POLR3G: variants seen among roughly 807,000 people sequenced by gnomAD.
POLR3G encodes RNA polymerase III subunit G.
A neutral mutation model predicts 30.1 loss-of-function variants in POLR3G; 28 were observed. The observed-to-expected ratio is 0.93, with a 90% CI of 0.69 to 1.27. POLR3G has a LOEUF of 1.27. Ranked by LOEUF, POLR3G falls within the 50% of genes most tolerant of loss-of-function variation. The pLI, the probability that POLR3G is intolerant of heterozygous loss-of-function variation, is 0.00. For synonymous variants in POLR3G, 79 were observed against 82.5 expected (o/e 0.96, Z 0.23); for missense variants, 254 against 264.6 (o/e 0.96, Z 0.28).
At chr5:90,510,094 G>C (rs535479777) in intron 7 of POLR3G, among the ~76,000 whole-genome samples, 1 of 152,254 alleles carries the variant, frequency 6.6e-6, no homozygotes, top group South Asian at 2.1e-4. Flanking sequence ...ATAGGTTCTA[G>C]TTTGTGTGGT....
At chr5:90,488,871 A>AATTCT (rs1751581256) in intron 3 of POLR3G, among the ~76,000 whole-genome samples, 1 of 152,216 alleles carries the variant, frequency 6.6e-6, no homozygotes. Flanking sequence ...CTCAGGCTAG[A>AATTCT]AGTGGGAAGT....
chr5:90,474,030 T>G (rs1580185036), upstream of POLR3G: 1 of 1,591,778 alleles, frequency 6.3e-7, no homozygotes, highest in Non-Finnish European at 8.5e-7. Flanking sequence ...GCCGCCGGAG[T>G]GGTCGAAGTG....
chr5:90,474,448 T>G (rs909082805), upstream of POLR3G: 3 of 678,826 alleles, frequency 4.4e-6, no homozygotes, highest in Non-Finnish European at 7.5e-6. Flanking sequence ...GGGGTCGGAA[T>G]AGGAGGAGGA....
intron 4 of POLR3G, among the ~76,000 whole-genome samples, chr5:90,496,979 AT>A (rs1483134812): frequency 1.3e-5 from 2 of 152,244 alleles, no homozygotes; most frequent in African/African-American, 4.8e-5. Context: ...ATGACTTGAG[AT>A]TTAAATGCTT....
intron 1 of POLR3G, among the ~76,000 whole-genome samples, chr5:90,483,556 G>C (rs556638939): frequency 5.3e-5 from 8 of 152,230 alleles, no homozygotes; most frequent in African/African-American, 1.9e-4. Flanking sequence ...TATAATCCTA[G>C]CACTTTGGAA....
intron 6 of POLR3G, among the ~76,000 whole-genome samples, chr5:90,504,770 T>A (rs79777761): frequency 0.014 from 2,172 of 152,216 alleles, 45 homozygotes; most frequent in African/African-American, 0.05. Context: ...AAATATAATA[T>A]TAACATACCA....
At chr5:90,479,550 T>C (rs561441420) in intron 1 of POLR3G, among the ~76,000 whole-genome samples, 1 of 152,150 alleles carries the variant, frequency 6.6e-6, no homozygotes, top group African/African-American at 2.4e-5. Flanking sequence ...TTCCCAAAAG[T>C]GGTATTCTAT....
chr5:90,489,547 G>T (rs780761029), intron 3 of POLR3G, among the ~76,000 whole-genome samples: 2 of 152,050 alleles, frequency 1.3e-5, no homozygotes, highest in African/African-American at 4.8e-5. Context: ...ACAGACAGAC[G>T]TGAGCCACCA....
At position 90,480,861 on chromosome 5, in the gene POLR3G, A is replaced by C. The variant is rs558696710; in HGVS notation, c.-43-4664A>C. 2.6e-5 allele frequency among the ~76,000 whole-genome samples: 4 copies of C among 152,278 alleles called. No individual in the cohort carries two copies. In the South Asian group the frequency reaches 8.3e-4, roughly 32 times the overall value. Reference sequence around the variant, plus strand: ...GTGAAAGGTGTGACCCCTTCTGCTCAGCAGTTTTGATACTTGGGAGATACG... The same window carrying C: ...GTGAAAGGTGTGACCCCTTCTGCTCCGCAGTTTTGATACTTGGGAGATACG... On this transcript the variant is annotated intron_variant, in intron 1 of 7. Coordinates refer to ENST00000651687, the MANE Select transcript of POLR3G (RefSeq NM_006467.3).
intron 7 of POLR3G, among the ~76,000 whole-genome samples, chr5:90,508,938 G>C (rs1376757915): frequency 6.6e-6 from 1 of 152,170 alleles, no homozygotes; most frequent in African/African-American, 2.4e-5. Flanking sequence ...GCGGGTGCCT[G>C]TAATCCCAAC....
intron 6 of POLR3G, 57 bp downstream of exon 6, chr5:90,502,045 C>A (rs1334784257): frequency 6.4e-7 from 1 of 1,572,116 alleles, no homozygotes; most frequent in South Asian, 1.2e-5. Context: ...GATCCTACCT[C>A]GTTTTGCTCT....
chr5:90,508,691 C>T lies in POLR3G; in HGVS notation c.585+2017C>T, dbSNP rs114053080. 8.2e-3 allele frequency among the ~76,000 whole-genome samples: 1,247 copies of T among 152,158 alleles called. 18 individuals are homozygous for T. The highest frequency in any genetic ancestry group is 0.029 in the African/African-American group (1,195 of 41,490). ...AAAGAAAGAAATTATTGCTACCACG[C>T]TCACCATAGACAAATTTTAGCCTTT... On this transcript the variant is annotated intron_variant, in intron 7 of 7. Coordinates refer to ENST00000651687, the MANE Select transcript of POLR3G (RefSeq NM_006467.3).
In POLR3G at chr5:90,500,444, A is replaced by G. The variant is rs541881278; in HGVS notation, c.356-1462A>G. On this transcript the variant is annotated intron_variant, in intron 5 of 7. Coordinates refer to ENST00000651687, the MANE Select transcript of POLR3G (RefSeq NM_006467.3). Reference sequence around the variant, plus strand: ...TTATGTTATGAAATTAAATAATTTGATAAAAAGTTCTTAGAAAAAGACTTC... The same window carrying G: ...TTATGTTATGAAATTAAATAATTTGGTAAAAAGTTCTTAGAAAAAGACTTC... 2.6e-5 allele frequency among the ~76,000 whole-genome samples: 4 copies of G among 152,320 alleles called. No individual in the cohort carries two copies. In the South Asian group the frequency reaches 8.3e-4, roughly 32 times the overall value.
intron 3 of POLR3G, among the ~76,000 whole-genome samples, chr5:90,494,918 G>A (rs1052490550): frequency 6.6e-6 from 1 of 152,074 alleles, no homozygotes; most frequent in African/African-American, 2.4e-5. Context: ...TTAAAATATG[G>A]AAACTGTTTT....
At chr5:90,474,402 G>C, upstream of POLR3G, 1 of 1,024,304 alleles carries the variant, frequency 9.8e-7, no homozygotes, top group South Asian at 1.4e-5. Context: ...TGCAGCCAGG[G>C]AGGAGGCGTA....
chr5:90,494,176 G>T (rs1442221653), intron 3 of POLR3G, among the ~76,000 whole-genome samples: 1 of 152,058 alleles, frequency 6.6e-6, no homozygotes, highest in Non-Finnish European at 1.5e-5. Flanking sequence ...TGTGTCTTTG[G>T]CTTCTTTCAC....
Position 90,501,959 on chromosome 5 carries a change from A to G in POLR3G, c.409A>G (p.Asn137Asp), listed in dbSNP as rs1752265679. The G allele has an allele frequency of 1.2e-6, 2 of 1,613,370 alleles. No homozygotes were observed. Among genetic ancestry groups the G allele is most frequent in the African/African-American group, 2.7e-5 (2 of 74,860 alleles). The change falls in exon 6 of 8, where the codon AAT becomes GAT. Residue 137 changes from asparagine to aspartate, a missense_variant. By Grantham distance (23) the Asn-to-Asp change is conservative. Coordinates refer to ENST00000651687, the MANE Select transcript of POLR3G (RefSeq NM_006467.3). ...CGCAGGCAAAGGCACACCACTCACT[A>G]ATACTGAAGATGTGTTGAAAAAAAT... is the stretch of plus-strand genomic sequence containing the variant. Reference protein sequence around the residue: ...KDAGKGTPLTNTEDVLKKMEE... With the variant: ...KDAGKGTPLTDTEDVLKKMEE...
At chr5:90,474,479 C>G (rs560585548), upstream of POLR3G, 1 of 603,764 alleles carries the variant, frequency 1.7e-6, no homozygotes, top group East Asian at 2.8e-5. Flanking sequence ...CCGACGCTGC[C>G]CGTAGCGTGC....
chr5:90,489,849 G>C (rs928787097), intron 3 of POLR3G, among the ~76,000 whole-genome samples: 11 of 152,250 alleles, frequency 7.2e-5, no homozygotes, highest in African/African-American at 2.6e-4. Context: ...GCTTACTCTT[G>C]TAATCCTAGC....
Sources: allele counts gnomAD v4.1 joint callset (sites outside exome capture counted in the v4.1 genomes callset), GRCh38; gene constraint gnomAD v4.1.1; transcripts MANE v1.5; gene names NCBI Gene and HGNC (gene_info 2026-07-23, HGNC 2026-07-21).